Variants in CFAP70 observed in about 807,000 individuals in gnomAD.
The protein encoded by CFAP70 is cilia and flagella associated protein 70.
CFAP70 carries 81 observed loss-of-function variants against 137.6 expected under a neutral mutation model. That is an observed-to-expected ratio of 0.59 (90% CI 0.49 to 0.71). The LOEUF is 0.71. CFAP70 is among the 30% of genes least tolerant of loss of function. The probability of loss-of-function intolerance (pLI) is 0.00; values close to 1 mark genes in which losing one functional copy is unlikely to be tolerated. For synonymous variants in CFAP70, 382 were observed against 423.6 expected (o/e 0.90, Z 1.20); for missense variants, 976 against 1,226.7 (o/e 0.80, Z 3.05).
At chr10:73,299,771 G>A in intron 12 of CFAP70, 106 bp from the exon 14 acceptor site, 1 of 846,612 alleles carries the variant, frequency 1.2e-6, no homozygotes, top group South Asian at 1.7e-5. Context: ...GGGGAGATCT[G>A]AGGTCTGTTC....
intron 1 of CFAP70, among the ~76,000 whole-genome samples, 156 bp from the exon 2 acceptor site, chr10:73,354,991 G>A (rs2054556863): frequency 6.6e-6 from 1 of 152,222 alleles, no homozygotes; most frequent in Non-Finnish European, 1.5e-5. Flanking sequence ...GACAGGCAGT[G>A]CTTTAGGGAG....
intron 15 of CFAP70, chr10:73,294,486 AAGACAAG>A (rs375046026): frequency 2.6e-5 from 4 of 152,214 alleles, no homozygotes; most frequent in African/African-American, 9.7e-5. Flanking sequence ...TCTTCATTCC[AAGACAAG>A]AGCAGCTAAC....
Position 73,275,678 on chromosome 10 carries a change from A to G in CFAP70, c.2521-80T>C, listed in dbSNP as rs2046671031. On this transcript the variant is annotated intron_variant, in intron 21 of 26. Coordinates refer to ENST00000310715, the Ensembl canonical transcript of CFAP70. The surrounding 1 kb of genome is among the most constrained non-coding windows in gnomAD (Gnocchi z 4.0). ...TCGGTTGAAGGATTCTGTCTCTGAT[A>G]ATAAATAATACGAAATGTATTACAG... 5.8e-6 allele frequency: 7 copies of G among 1,204,188 alleles called. No homozygotes were observed. The highest frequency in any genetic ancestry group is 6.7e-6 in the Non-Finnish European group (6 of 890,366). 74.6% of individuals were successfully genotyped at this position (1,204,188 alleles called of 1,614,324 possible).
chr10:73,303,656 T>C, intron 12 of CFAP70, among the ~76,000 whole-genome samples: 1 of 152,222 alleles, frequency 6.6e-6, no homozygotes, highest in Admixed American at 6.5e-5. Context: ...TAAACATTGA[T>C]AAACCACAGT....
chr10:73,349,996 C>G (rs2054064099), intron 3 of CFAP70, among the ~76,000 whole-genome samples: 2 of 152,168 alleles, frequency 1.3e-5, no homozygotes, highest in Admixed American at 1.3e-4. Context: ...TTAAATAATT[C>G]CTTAATTCAC....
chr10:73,291,802 AT>A, intron 17 of CFAP70, 47 bp from the exon 19 acceptor site: 2 of 1,612,752 alleles, frequency 1.2e-6, no homozygotes, highest in Non-Finnish European at 1.7e-6. Context: ...CCCATGTCAC[AT>A]TTATGGAACC....
At chr10:73,308,118 G>A (rs967780409) in intron 12 of CFAP70, among the ~76,000 whole-genome samples, 9 of 151,958 alleles carry the variant, frequency 5.9e-5, no homozygotes, top group Non-Finnish European at 1.2e-4. Context: ...TCATGCCACT[G>A]CACTCCAGCC....
chr10:73,301,097 G>T (rs1180939422), intron 12 of CFAP70, among the ~76,000 whole-genome samples: 1 of 152,220 alleles, frequency 6.6e-6, no homozygotes, highest in Non-Finnish European at 1.5e-5. Context: ...TGGGGGTTGA[G>T]GGTAGTGGAA....
At position 73,291,868 on chromosome 10, in the gene CFAP70, C is replaced by T. The variant is rs750839654; in HGVS notation, c.1904+13G>A. On this transcript the variant is annotated intron_variant, in intron 17 of 26. Transcript: ENST00000310715. ...TCCTTCCCACTGATTCCTCATCTCC[C>T]TTCCACCTATACCTGTGGATATGAC... 2 of 1,613,956 alleles carry T rather than the reference C, an allele frequency of 1.2e-6. No homozygotes were observed. Among genetic ancestry groups the T allele is most frequent in the African/African-American group, 2.7e-5 (2 of 74,940 alleles).
At chr10:73,348,064 GCATTACACT>G in intron 4 of CFAP70, 83 bp downstream of exon 5, 1 of 1,111,944 alleles carries the variant, frequency 9.0e-7, no homozygotes, top group Non-Finnish European at 1.4e-6. Flanking sequence ...AATGCCCAAT[GCATTACACT>G]CAACTGAATT....
At chr10:73,324,323 G>A (rs12257350) in intron 8 of CFAP70, among the ~76,000 whole-genome samples, 16,066 of 152,154 alleles carry the variant, frequency 0.11, 1,228 homozygotes, top group East Asian at 0.3. Context: ...ATCCACACCA[G>A]AAACCCATCT....
At chr10:73,322,839 T>G (rs2050997881) in intron 9 of CFAP70, 124 bp downstream of exon 10, 2 of 803,130 alleles carry the variant, frequency 2.5e-6, no homozygotes, top group African/African-American at 1.8e-5. Context: ...GGCTATATAT[T>G]TAATATCCTA....
At chr10:73,274,753 T>G in intron 22 of CFAP70, 159 bp from the exon 24 acceptor site, 1 of 685,976 alleles carries the variant, frequency 1.5e-6, no homozygotes, top group Non-Finnish European at 2.4e-6. Flanking sequence ...CTCAGAAACA[T>G]AACCATTTAA....
At chr10:73,324,690 C>A (rs904629434) in intron 8 of CFAP70, among the ~76,000 whole-genome samples, 19 of 152,232 alleles carry the variant, frequency 1.2e-4, no homozygotes, top group Non-Finnish European at 2.6e-4. Context: ...GTGAAGAATG[C>A]AGAAGCCTCA....
chr10:73,294,082 G>A (rs964823332), intron 15 of CFAP70: 6 of 152,164 alleles, frequency 3.9e-5, no homozygotes, highest in South Asian at 2.1e-4. Flanking sequence ...TAAGAAATGT[G>A]GACAGTAAAG....
chr10:73,304,840 A>G (rs78671188), intron 12 of CFAP70, among the ~76,000 whole-genome samples: 6,292 of 149,092 alleles, frequency 0.042, 400 homozygotes, highest in African/African-American at 0.14. Flanking sequence ...ATCCCTCCAG[A>G]TAAACTTAAA....
At chr10:73,291,741 C>G (rs1332200983) in exon 18 of CFAP70, 1 of 1,614,136 alleles carries the variant, frequency 6.2e-7, no homozygotes. Flanking sequence ...AGCCAGGACA[C>G]CACACAGCAA....
rs182429524 is a variant in CFAP70 at position 73,330,028 on chromosome 10, A to T, written c.777+1149T>A. 1.1e-3 allele frequency among the ~76,000 whole-genome samples: 175 copies of T among 152,334 alleles called. 1 individual carries two copies. Among genetic ancestry groups the T allele is most frequent in the Non-Finnish European group, 2.2e-3 (149 of 68,032 alleles). On this transcript the variant is annotated intron_variant, in intron 8 of 26. Coordinates refer to ENST00000310715, the Ensembl canonical transcript of CFAP70. The stretch of plus-strand genomic sequence containing the variant: ...TTTTAACAGCGTTTTAAATGGTTGT[A>T]TGGTTTGCCACAGAAAATTTTTATA...
At position 73,275,400 on chromosome 10, in the gene CFAP70, TA is replaced by T; in HGVS notation, c.2673+45del. On this transcript the variant is annotated intron_variant, in intron 22 of 26. Coordinates refer to ENST00000310715, the Ensembl canonical transcript of CFAP70. The surrounding 1 kb of genome is among the most constrained non-coding windows in gnomAD (Gnocchi z 4.0). Reference sequence around the variant, plus strand: ...GTGATATGGCATCACCACCTTTAAATAAAGCCCCTTCTCCAGACTCAAGAGG... The same window carrying T: ...GTGATATGGCATCACCACCTTTAAATAAGCCCCTTCTCCAGACTCAAGAGG... The T allele has an allele frequency of 6.5e-7, 1 of 1,534,754 alleles. No individual in the cohort carries two copies. The highest frequency in any genetic ancestry group is 8.7e-7 in the Non-Finnish European group (1 of 1,145,652).
Sources: allele counts gnomAD v4.1 joint callset (sites outside exome capture counted in the v4.1 genomes callset), GRCh38; gene constraint gnomAD v4.1.1; non-coding constraint Gnocchi (gnomAD v3.1); transcripts MANE v1.5; gene names NCBI Gene and HGNC (gene_info 2026-07-23, HGNC 2026-07-21).